The following MAK variants were observed in gnomAD, a reference collection of about 807,000 sequenced individuals.
MAK encodes the protein serine/threonine-protein kinase MAK.
Under a neutral mutation model 82.6 loss-of-function variants are expected in MAK, and 65 were observed. The ratio of observed to expected loss-of-function variants is 0.79; its 90% CI spans 0.64 to 0.97. The LOEUF is 0.97. MAK is among the 50% of genes least tolerant of loss of function. MAK has a pLI of 0.00. For synonymous variants in MAK, 250 were observed against 274.2 expected (o/e 0.91, Z 0.87); for missense variants, 703 against 780.2 (o/e 0.90, Z 1.18).
At chr6:10,772,546 T>C (rs1366630444) in intron 13 of MAK, among the ~76,000 whole-genome samples, 2 of 146,646 alleles carry the variant, frequency 1.4e-5, no homozygotes, top group African/African-American at 2.7e-5. Context: ...GGTTTCATCA[T>C]GTTGGCCAGG....
chr6:10,813,723 T>C lies in MAK; in HGVS notation c.279A>G (p.Arg93=), dbSNP rs1444642145. Residue 93 remains arginine, a splice_region_variant and synonymous_variant, in exon 5 of 15, where the codon AGA becomes AGG. Coordinates refer to ENST00000354489, the MANE Select transcript of MAK (RefSeq NM_001242957.3). The part of the protein sequence containing the change: ...KENLYQLMKD[R]NKLFPESVIR... ...TGACTGATTCAGGGAACAACTTGTT[T>C]CTGTAAAGAAATGAACAGTCACATA... The C allele has an allele frequency of 6.4e-7, 1 of 1,566,744 alleles. No homozygotes were observed. Among genetic ancestry groups the C allele is most frequent in the African/African-American group, 1.3e-5 (1 of 74,112 alleles).
Position 10,776,503 on chromosome 6 carries a change from G to A in MAK, c.1466-1044C>T, listed in dbSNP as rs139739994. ...CAGTCTATGCCTTTTGGTCATTCAC[G>A]GAGAGTTTTCTTTATCTAGTGTAGA... On this transcript the variant is annotated intron_variant, in intron 11 of 14. Coordinates refer to ENST00000354489, the MANE Select transcript of MAK (RefSeq NM_001242957.3). The surrounding 1 kb of genome is among the most constrained non-coding windows in gnomAD (Gnocchi z 4.3). Among the ~76,000 whole-genome samples the A allele has an allele frequency of 2.6e-3, 403 of 152,138 alleles. 2 individuals carry two copies. The highest frequency in any genetic ancestry group is 8.0e-3 in the African/African-American group (333 of 41,504).
rs147785559 is a variant in MAK, at chr6:10,777,204, C to T, written c.1466-1745G>A. Among the ~76,000 whole-genome samples the T allele has an allele frequency of 3.4e-3, 514 of 151,946 alleles. 3 individuals carry two copies. Among genetic ancestry groups the T allele is most frequent in the African/African-American group, 0.01 (434 of 41,438 alleles). ...GGTGGATCACCTGAGGTCAGGAGTTCGAGACAAGCCTGGCCAACATGGTGA... is the reference window on the plus strand; with the variant it reads ...GGTGGATCACCTGAGGTCAGGAGTTTGAGACAAGCCTGGCCAACATGGTGA... On this transcript the variant is annotated intron_variant, in intron 11 of 14. Transcript: ENST00000354489.
intron 2 of MAK, among the ~76,000 whole-genome samples, chr6:10,825,260 G>T (rs556169608): frequency 2.6e-4 from 39 of 152,212 alleles, no homozygotes; most frequent in Middle Eastern, 6.8e-3. Flanking sequence ...GAATTTCTTG[G>T]GTACAATGTT....
chr6:10,834,904 C>G (rs578035055), intron 1 of MAK, among the ~76,000 whole-genome samples: 1 of 152,126 alleles, frequency 6.6e-6, no homozygotes. Flanking sequence ...AGTGAAAGAG[C>G]GGGCTAGGGG....
At chr6:10,808,094 G>A (rs1776634373) in intron 6 of MAK, among the ~76,000 whole-genome samples, 1 of 151,942 alleles carries the variant, frequency 6.6e-6, no homozygotes, top group Non-Finnish European at 1.5e-5. Flanking sequence ...CATGCTATCA[G>A]CACCCAGAAG....
intron 2 of MAK, among the ~76,000 whole-genome samples, chr6:10,826,934 A>T (rs909965513): frequency 6.6e-6 from 1 of 152,100 alleles, no homozygotes; most frequent in African/African-American, 2.4e-5. Flanking sequence ...CAACATGGAG[A>T]AACCCCGTCT....
intron 2 of MAK, among the ~76,000 whole-genome samples, chr6:10,824,105 A>G (rs1436914653): frequency 6.6e-6 from 1 of 152,178 alleles, no homozygotes; most frequent in Non-Finnish European, 1.5e-5. Flanking sequence ...GCCTGCTTGT[A>G]TGACTCTTGT....
chr6:10,791,089 C>T (rs1459038859), intron 10 of MAK, among the ~76,000 whole-genome samples: 2 of 152,040 alleles, frequency 1.3e-5, no homozygotes, highest in East Asian at 1.9e-4. Flanking sequence ...TGGGCCAACA[C>T]ATTCTTTATA....
intron 4 of MAK, among the ~76,000 whole-genome samples, chr6:10,815,610 G>A (rs1186376357): frequency 2.0e-5 from 3 of 152,044 alleles, no homozygotes; most frequent in Non-Finnish European, 4.4e-5. Flanking sequence ...CAGCCAAGGT[G>A]AAAGAGCAAG....
chr6:10,822,189 C>T (rs1243402993), intron 2 of MAK, among the ~76,000 whole-genome samples: 2 of 148,098 alleles, frequency 1.4e-5, no homozygotes, highest in African/African-American at 5.0e-5. Context: ...TGCGGTGGCT[C>T]ACACCTGTAA....
chr6:10,813,222 C>T (rs1442791083), intron 5 of MAK, among the ~76,000 whole-genome samples: 5 of 133,506 alleles, frequency 3.7e-5, no homozygotes, highest in Non-Finnish European at 1.6e-5. Flanking sequence ...GATCTCAGCT[C>T]ACTGCAACCT....
chr6:10,768,606 T>C (rs1163690119), intron 14 of MAK, among the ~76,000 whole-genome samples: 1 of 152,114 alleles, frequency 6.6e-6, no homozygotes, highest in Non-Finnish European at 1.5e-5. Context: ...TTATATTTCA[T>C]ATAAATGAAT....
intron 6 of MAK, among the ~76,000 whole-genome samples, chr6:10,806,209 T>C (rs1394056067): frequency 6.7e-6 from 1 of 150,094 alleles, no homozygotes; most frequent in Admixed American, 6.6e-5. Context: ...AGTTTTGCTC[T>C]TGTTGCCCAG....
chr6:10,838,241 G>A (rs1779286994), intron 1 of MAK: 1 of 152,352 alleles, frequency 6.6e-6, no homozygotes, highest in Non-Finnish European at 1.5e-5. Flanking sequence ...GCGGGAAAGT[G>A]GTCAAGAGGT....
intron 8 of MAK, chr6:10,797,794 CT>C: frequency 7.9e-7 from 1 of 1,263,748 alleles, no homozygotes; most frequent in Admixed American, 2.8e-5. Flanking sequence ...CAGCTTGGTA[CT>C]TTAAATGGTC....
chr6:10,801,852 C>G, intron 8 of MAK, 40 bp downstream of exon 8: 1 of 1,600,476 alleles, frequency 6.2e-7, no homozygotes, highest in Non-Finnish European at 8.6e-7. Context: ...ATTACAAAAC[C>G]TAAACATTTT....
chr6:10,778,249 T>G (rs560078802), intron 11 of MAK, among the ~76,000 whole-genome samples: 6 of 152,284 alleles, frequency 3.9e-5, no homozygotes, highest in African/African-American at 1.4e-4. Context: ...TCTTAGAATC[T>G]AATGAGAAGG....
At position 10,764,357 on chromosome 6, in the gene MAK, C is replaced by T. The variant is rs1772197635; in HGVS notation, c.*95G>A. 12 of 1,350,838 alleles carry T rather than the reference C, an allele frequency of 8.9e-6. No individual in the cohort carries two copies. The allele number at this position is 1,350,838 out of a possible 1,614,324, so 83.7% of individuals were successfully genotyped here. A position where few individuals can be genotyped will look rare whatever the true frequency, so the allele number is the denominator to read the frequency against. On this transcript the variant is annotated 3_prime_UTR_variant, in exon 15 of 15. Transcript: ENST00000354489. ...CCACTTTTGCATATTTCTTCCAGAA[C>T]TCAGTAGAAATAGACATTTGTAGAC... is the stretch of plus-strand genomic sequence containing the variant.
Sources: gnomAD v4.1 joint callset for allele counts (sites outside exome capture counted in the v4.1 genomes callset) on GRCh38, gnomAD v4.1.1 for gene constraint, Gnocchi (gnomAD v3.1) non-coding constraint, MANE v1.5 for transcripts, NCBI Gene and HGNC (gene_info 2026-07-23, HGNC 2026-07-21) for gene names.